The following ZC3H7B variants were observed in gnomAD, a reference collection of about 807,000 sequenced individuals.
ZC3H7B encodes the protein zinc finger CCCH-type containing 7B.
A neutral mutation model predicts 116.0 loss-of-function variants in ZC3H7B; 35 were observed. The observed-to-expected ratio is 0.30, with a 90% CI of 0.23 to 0.40. The LOEUF is 0.40. Among genes scored for constraint, ZC3H7B ranks in the 10% least tolerant of loss-of-function variants. ZC3H7B has a pLI of 1.00. For synonymous variants in ZC3H7B, 502 were observed against 545.6 expected (o/e 0.92, Z 1.11); for missense variants, 1,011 against 1,321.5 (o/e 0.77, Z 3.64).
At chr22:41,316,476 A>C (rs1466492030) in intron 1 of ZC3H7B, among the ~76,000 whole-genome samples, 3 of 150,538 alleles carry the variant, frequency 2.0e-5, no homozygotes, top group African/African-American at 7.3e-5. Flanking sequence ...TTGTATTTTT[A>C]GTAGAGACAG....
chr22:41,340,305 G>GTGTGGGGC (rs1477437181), intron 10 of ZC3H7B, among the ~76,000 whole-genome samples, 168 bp downstream of exon 10: 2 of 152,102 alleles, frequency 1.3e-5, no homozygotes, highest in African/African-American at 4.8e-5. Context: ...GCTCAGCACA[G>GTGTGGGGC]TGTGGGGCTG....
intron 17 of ZC3H7B, among the ~76,000 whole-genome samples, chr22:41,354,194 G>A (rs1844124248): frequency 6.6e-6 from 1 of 152,196 alleles, no homozygotes; most frequent in Admixed American, 6.5e-5. Flanking sequence ...CATACCCTCG[G>A]TGCCCCCTTT....
In ZC3H7B at chr22:41,348,102, A is replaced by G; in HGVS notation, c.1701A>G (p.Lys567=). ...ACAGTAAACCCCGGATCATCAGCAA[A>G]GGCACCAAGGACTCTCCGTCTGTCT... ...CFDSKPRIIS[K]GTKDSPSVCS... Residue 567 remains lysine, a synonymous_variant, in exon 15 of 23, where the codon AAA becomes AAG. Transcript: ENST00000352645. 6.2e-7 allele frequency: 1 copy of G among 1,613,924 alleles called. No individual in the cohort carries two copies. The highest frequency in any genetic ancestry group is 8.5e-7 in the Non-Finnish European group (1 of 1,179,900).
chr22:41,329,501 C>T (rs1344874038), intron 5 of ZC3H7B, among the ~76,000 whole-genome samples: 3 of 152,046 alleles, frequency 2.0e-5, no homozygotes, highest in Admixed American at 6.5e-5. Context: ...TCAGGTGATC[C>T]GCCCACCTCT....
rs565723332 is a variant in ZC3H7B, at chr22:41,357,724, C to A, written c.*295C>A. 23 of 475,508 alleles carry A rather than the reference C, an allele frequency of 4.8e-5. No individual in the cohort carries two copies. The highest frequency in any genetic ancestry group is 4.5e-4 in the African/African-American group (23 of 51,572). The allele number at this position is 475,508 out of a possible 1,614,324, so 29.5% of individuals were successfully genotyped here. ...GGCTGACCCCTCCAGCTTCAGCCTCCAGCTTTAACTTCTGTCTGCTCCTAA... is the reference window on the plus strand; with the variant it reads ...GGCTGACCCCTCCAGCTTCAGCCTCAAGCTTTAACTTCTGTCTGCTCCTAA... On this transcript the variant is annotated 3_prime_UTR_variant, in exon 23 of 23. Transcript: ENST00000352645. The surrounding 1 kb of genome is among the most constrained non-coding windows in gnomAD (Gnocchi z 5.4).
chr22:41,331,286 C>T (rs1395500919), intron 6 of ZC3H7B, among the ~76,000 whole-genome samples: 3 of 149,082 alleles, frequency 2.0e-5, no homozygotes, highest in Admixed American at 6.7e-5. Context: ...CGCGGTGGCT[C>T]ATGCCTGTAA....
chr22:41,314,701 A>C (rs1027652409), intron 1 of ZC3H7B, among the ~76,000 whole-genome samples: 1 of 148,710 alleles, frequency 6.7e-6, no homozygotes, highest in Non-Finnish European at 1.5e-5. Flanking sequence ...CCGCTGCCTC[A>C]TGGGTTCAAG....
intron 17 of ZC3H7B, among the ~76,000 whole-genome samples, chr22:41,353,030 AGATTGTGCCATT>A (rs894298949): frequency 7.9e-5 from 12 of 151,846 alleles, no homozygotes; most frequent in Admixed American, 5.2e-4. Context: ...CAGTGAGTTG[AGATTGTGCCATT>A]GACCTCCAGC....
chr22:41,318,907 C>T (rs1257445001), intron 1 of ZC3H7B, among the ~76,000 whole-genome samples: 1 of 152,120 alleles, frequency 6.6e-6, no homozygotes, highest in African/African-American at 2.4e-5. Flanking sequence ...TCCCTCTGCC[C>T]GGAGCCCTTT....
intron 9 of ZC3H7B, 64 bp from the exon 10 acceptor site, chr22:41,339,752 G>T: frequency 6.8e-7 from 1 of 1,474,618 alleles, no homozygotes. Context: ...CCCAAGTCCT[G>T]ATGCTGCCCA....
At chr22:41,332,637 T>C (rs1370497809) in intron 7 of ZC3H7B, 2 of 180,440 alleles carry the variant, frequency 1.1e-5, no homozygotes, top group African/African-American at 4.7e-5. Flanking sequence ...AAAGCCCAGC[T>C]CAAGGGCATG....
chr22:41,310,821 G>A (rs2036107351), intron 1 of ZC3H7B, among the ~76,000 whole-genome samples: 2 of 152,120 alleles, frequency 1.3e-5, no homozygotes, highest in Non-Finnish European at 2.9e-5. Context: ...CTGGAGTGCA[G>A]TGGCACTATC....
chr22:41,324,416 C>T (rs2036293142), intron 2 of ZC3H7B, among the ~76,000 whole-genome samples: 1 of 152,200 alleles, frequency 6.6e-6, no homozygotes. Flanking sequence ...CTCCAGGCAA[C>T]GGAAAGATCT....
intron 17 of ZC3H7B, among the ~76,000 whole-genome samples, chr22:41,352,146 C>G (rs1032957249): frequency 6.6e-6 from 1 of 152,168 alleles, no homozygotes; most frequent in East Asian, 1.9e-4. Flanking sequence ...TTTTCATCTC[C>G]CTTGATGAAG....
At chr22:41,316,999 C>T (rs889358231) in intron 1 of ZC3H7B, among the ~76,000 whole-genome samples, 1 of 152,100 alleles carries the variant, frequency 6.6e-6, no homozygotes, top group Non-Finnish European at 1.5e-5. Flanking sequence ...TGTACCATCA[C>T]GCCCAACTGA....
Position 41,327,475 on chromosome 22 carries a change from C to CT in ZC3H7B, c.444+112dup. 7.1e-7 allele frequency: 1 copy of CT among 1,403,146 alleles called. No homozygotes were observed. Among genetic ancestry groups the CT allele is most frequent in the Non-Finnish European group, 9.7e-7 (1 of 1,035,476 alleles). The allele number at this position is 1,403,146 out of a possible 1,614,324, so 86.9% of individuals were successfully genotyped here. A position where few individuals can be genotyped will look rare whatever the true frequency, so the allele number is the denominator to read the frequency against. On this transcript the variant is annotated intron_variant, in intron 5 of 22. Coordinates refer to ENST00000352645, the MANE Select transcript of ZC3H7B (RefSeq NM_017590.6). This position sits in a 1 kb window ranked among gnomAD's most constrained non-coding sequence, Gnocchi z 4.5. ...ATCCTTCTGTGTCTCACTTCCTCCC[C>CT]TGTGACATGGCCATGCAGATCCTGA...
At chr22:41,343,652 A>G in intron 13 of ZC3H7B, 76 bp downstream of exon 13, 2 of 1,467,880 alleles carry the variant, frequency 1.4e-6, no homozygotes, top group South Asian at 2.8e-5. Context: ...TCTACTCCCC[A>G]TCACAGGTAG....
intron 1 of ZC3H7B, among the ~76,000 whole-genome samples, chr22:41,312,983 G>C (rs549605346): frequency 1.6e-4 from 24 of 152,310 alleles, no homozygotes; most frequent in African/African-American, 5.8e-4. Flanking sequence ...AAATTTCTGT[G>C]TCAAAGTGAA....
intron 2 of ZC3H7B, among the ~76,000 whole-genome samples, chr22:41,323,517 C>G (rs1412533584): frequency 1.3e-5 from 2 of 152,218 alleles, no homozygotes; most frequent in Admixed American, 1.3e-4. Flanking sequence ...TAAATGTTCA[C>G]TCTCGTCCCC....
Sources: gnomAD v4.1 joint callset for allele counts (sites outside exome capture counted in the v4.1 genomes callset) on GRCh38, gnomAD v4.1.1 for gene constraint, Gnocchi (gnomAD v3.1) non-coding constraint, MANE v1.5 for transcripts, NCBI Gene and HGNC (gene_info 2026-07-23, HGNC 2026-07-21) for gene names.